NFKB1: variants seen among roughly 807,000 people sequenced by gnomAD.
The protein encoded by NFKB1 is nuclear factor NF-kappa-B p105 subunit.
NFKB1 carries 9 observed loss-of-function variants against 105.1 expected under a neutral mutation model. The ratio of observed to expected loss-of-function variants is 0.09; its 90% CI spans 0.05 to 0.15. NFKB1 has a LOEUF of 0.15. NFKB1 is among the 10% of genes least tolerant of loss of function. The probability of loss-of-function intolerance (pLI) is 1.00; values close to 1 mark genes in which losing one functional copy is unlikely to be tolerated. For missense variants in NFKB1, 830 were observed against 1,203.7 expected (o/e 0.69, Z 4.59); for synonymous variants, 440 against 442.2 (o/e 1.00, Z 0.06).
chr4:102,614,081 T>G (rs907104534), intron 23 of NFKB1, among the ~76,000 whole-genome samples: 3 of 152,092 alleles, frequency 2.0e-5, no homozygotes, highest in Non-Finnish European at 4.4e-5. Flanking sequence ...AAATGATGAT[T>G]CCATGCTTTC....
chr4:102,519,619 G>T (rs2149107246), intron 1 of NFKB1, among the ~76,000 whole-genome samples: 1 of 152,152 alleles, frequency 6.6e-6, no homozygotes, highest in Non-Finnish European at 1.5e-5. Flanking sequence ...TTTTCAGGCT[G>T]TGCTATGGGT....
intron 1 of NFKB1, among the ~76,000 whole-genome samples, chr4:102,507,155 G>A (rs1202890378): frequency 6.6e-6 from 1 of 151,772 alleles, no homozygotes; most frequent in Non-Finnish European, 1.5e-5. Context: ...AGCCGTCATT[G>A]TTGAAAAGTA....
intron 5 of NFKB1, among the ~76,000 whole-genome samples, chr4:102,565,819 A>T (rs886211760): frequency 4.0e-5 from 6 of 151,842 alleles, no homozygotes; most frequent in Admixed American, 3.3e-4. Context: ...TGCGTAGTTG[A>T]GAGATTTGGG....
chr4:102,613,083 C>G (rs1237534734), intron 22 of NFKB1, among the ~76,000 whole-genome samples: 1 of 151,930 alleles, frequency 6.6e-6, no homozygotes, highest in East Asian at 1.9e-4. Flanking sequence ...TCATGGTTAG[C>G]TTTTGTTTCT....
chr4:102,516,755 T>G (rs1447855330), intron 1 of NFKB1, among the ~76,000 whole-genome samples: 1 of 152,242 alleles, frequency 6.6e-6, no homozygotes, highest in Non-Finnish European at 1.5e-5. Flanking sequence ...TATGTTTTAT[T>G]GTACATTGTG....
intron 1 of NFKB1, among the ~76,000 whole-genome samples, chr4:102,517,187 TTC>T (rs2149104657): frequency 6.6e-6 from 1 of 152,328 alleles, no homozygotes; most frequent in South Asian, 2.1e-4. Context: ...CCCATTGGTG[TTC>T]TCTCTTTGGG....
intron 11 of NFKB1, among the ~76,000 whole-genome samples, chr4:102,591,672 A>AG (rs1726191376): frequency 6.6e-6 from 1 of 152,188 alleles, no homozygotes. Flanking sequence ...AGAAAAAAAA[A>AG]GGATTCCTTT....
At position 102,601,026 on chromosome 4, in the gene NFKB1, A is replaced by G; in HGVS notation, c.1752+17A>G. ...CTGTACCAGGTAAGCAGAAATCTCA[A>G]GAAAACAACTGAAGAAAAATCTGTA... On this transcript the variant is annotated intron_variant, in intron 16 of 23. Coordinates refer to ENST00000226574, the MANE Select transcript of NFKB1 (RefSeq NM_003998.4). 1 of 1,422,922 alleles carries G rather than the reference A, an allele frequency of 7.0e-7. No individual in the cohort carries two copies. Among genetic ancestry groups the G allele is most frequent in the Non-Finnish European group, 9.8e-7 (1 of 1,021,786 alleles). The allele number at this position is 1,422,922 out of a possible 1,614,324, so 88.1% of individuals were successfully genotyped here. A position where few individuals can be genotyped will look rare whatever the true frequency, so the allele number is the denominator to read the frequency against.
At chr4:102,594,594 G>T (rs1726452328) in intron 12 of NFKB1, among the ~76,000 whole-genome samples, 1 of 152,106 alleles carries the variant, frequency 6.6e-6, no homozygotes, top group Admixed American at 6.5e-5. Flanking sequence ...AGTTTGGTTG[G>T]TGACCCTCAC....
At chr4:102,544,544 G>C (rs999328258) in intron 5 of NFKB1, among the ~76,000 whole-genome samples, 6 of 152,146 alleles carry the variant, frequency 3.9e-5, no homozygotes, top group African/African-American at 1.4e-4. Flanking sequence ...ATTGAGCACT[G>C]TGTGTCAGGT....
At chr4:102,604,796 C>T (rs1486709274) in intron 16 of NFKB1, among the ~76,000 whole-genome samples, 2 of 152,022 alleles carry the variant, frequency 1.3e-5, no homozygotes, top group African/African-American at 4.8e-5. Flanking sequence ...CCAGATACAT[C>T]TGCAAGAGTT....
intron 5 of NFKB1, among the ~76,000 whole-genome samples, chr4:102,538,262 GA>G (rs1414746194): frequency 1.3e-5 from 2 of 152,122 alleles, no homozygotes; most frequent in Non-Finnish European, 2.9e-5. Context: ...GTCTTTGAAA[GA>G]AATGGTTGAT....
At chr4:102,572,089 G>C (rs1295819205) in intron 6 of NFKB1, among the ~76,000 whole-genome samples, 3 of 152,152 alleles carry the variant, frequency 2.0e-5, no homozygotes, top group Non-Finnish European at 4.4e-5. Context: ...CAACCCAAAT[G>C]TCCATCAGTG....
At chr4:102,609,343 G>A (rs540076833) in intron 19 of NFKB1, among the ~76,000 whole-genome samples, 1 of 152,112 alleles carries the variant, frequency 6.6e-6, no homozygotes, top group South Asian at 2.1e-4. Context: ...CGAGTGTGGT[G>A]GCTCACACCT....
intron 1 of NFKB1, among the ~76,000 whole-genome samples, chr4:102,525,127 CAATACACTTAAGG>C (rs1296553283): frequency 3.9e-5 from 6 of 152,058 alleles, no homozygotes; most frequent in African/African-American, 1.4e-4. Context: ...GGTTAGAAAA[CAATACACTTAAGG>C]AACTAAGACT....
chr4:102,593,708 T>C (rs542509320), intron 12 of NFKB1, 140 bp downstream of exon 12: 1 of 787,450 alleles, frequency 1.3e-6, no homozygotes, highest in Admixed American at 4.0e-5. Context: ...CTGACAAATG[T>C]AAATTTATTT....
At chr4:102,563,446 A>T (rs1355269490) in intron 5 of NFKB1, among the ~76,000 whole-genome samples, 1 of 150,016 alleles carries the variant, frequency 6.7e-6, no homozygotes. Context: ...GATAGTACTT[A>T]AAAAAAAAAC....
At chr4:102,612,396 A>G (rs959675555) in intron 21 of NFKB1, 38 bp from the exon 22 acceptor site, 9 of 1,599,182 alleles carry the variant, frequency 5.6e-6, no homozygotes, top group South Asian at 2.2e-5. Flanking sequence ...TGTCTATGGC[A>G]TGTTAGAACA....
At chr4:102,584,576 A>G in intron 10 of NFKB1, 106 bp from the exon 11 acceptor site, 2 of 1,151,464 alleles carry the variant, frequency 1.7e-6, no homozygotes, top group African/African-American at 1.6e-5. Flanking sequence ...GTGTCTAAAC[A>G]TTGGGTATAA....
Sources: allele counts gnomAD v4.1 joint callset (sites outside exome capture counted in the v4.1 genomes callset), GRCh38; gene constraint gnomAD v4.1.1; transcripts MANE v1.5; gene names NCBI Gene and HGNC (gene_info 2026-07-23, HGNC 2026-07-21).